The following KASH5 variants were observed in gnomAD, a reference collection of about 807,000 sequenced individuals.
KASH5 encodes protein KASH5.
KASH5 carries 72 observed loss-of-function variants against 84.2 expected under a neutral mutation model. The ratio of observed to expected loss-of-function variants is 0.85; its 90% CI spans 0.71 to 1.04. The LOEUF (loss-of-function observed/expected upper bound fraction) is 1.04. KASH5 is among the 50% of genes least tolerant of loss of function. The probability of loss-of-function intolerance (pLI) is 0.00; values close to 1 mark genes in which losing one functional copy is unlikely to be tolerated. For missense variants in KASH5, 650 were observed against 701.0 expected, an observed-to-expected ratio of 0.93 and a Z score of 0.82; for synonymous variants, 260 against 279.1, an observed-to-expected ratio of 0.93 and a Z score of 0.68.
intron 9 of KASH5, among the ~76,000 whole-genome samples, chr19:49,400,225 C>CA (rs34052696): frequency 0.56 from 45,669 of 81,030 alleles, 11,588 homozygotes; most frequent in South Asian, 0.68. Context: ...GAGAGCCTCT[C>CA]AAAAAAAAAA....
Position 49,417,152 on chromosome 19 carries a change from C to T in KASH5, c.1440-7C>T. 6.2e-7 allele frequency: 1 copy of T among 1,613,254 alleles called. No homozygotes were observed. The highest frequency in any genetic ancestry group is 2.2e-5 in the East Asian group (1 of 44,866). On this transcript the variant is annotated splice_region_variant and splice_polypyrimidine_tract_variant and intron_variant, in intron 18 of 19. Coordinates refer to ENST00000447857, the MANE Select transcript of KASH5 (RefSeq NM_144688.5). This position sits in a 1 kb window ranked among gnomAD's most constrained non-coding sequence, Gnocchi z 5.2. ...CCCAGTGGTGATTCCCTCCTTCACC[C>T]CAGCAGACCTGCGCGGCGGGAACTC...
chr19:49,389,133 C>T (rs569954557), intron 1 of KASH5, among the ~76,000 whole-genome samples: 2 of 119,160 alleles, frequency 1.7e-5, no homozygotes, highest in Non-Finnish European at 3.3e-5. Flanking sequence ...CAGAGACCCC[C>T]GCATAAATCA....
At position 49,412,790 on chromosome 19, in the gene KASH5, G is replaced by A. The variant is rs1417424973; in HGVS notation, c.1270-178G>A. On this transcript the variant is annotated intron_variant, in intron 15 of 19. Coordinates refer to ENST00000447857, the MANE Select transcript of KASH5 (RefSeq NM_144688.5). This position sits in a 1 kb window ranked among gnomAD's most constrained non-coding sequence, Gnocchi z 4.6. ...AGGGGGCTAATAGGGCCATCCTCATGTAGGGCAGCACGAGAGGAGGGCAGG... is the reference window on the plus strand; with the variant it reads ...AGGGGGCTAATAGGGCCATCCTCATATAGGGCAGCACGAGAGGAGGGCAGG... Among the ~76,000 whole-genome samples, 1 of 152,208 alleles carries A rather than the reference G, an allele frequency of 6.6e-6. No homozygotes were observed. Among genetic ancestry groups the A allele is most frequent in the African/African-American group, 2.4e-5 (1 of 41,456 alleles).
At chr19:49,413,221 G>A (rs1301078722) in intron 16 of KASH5, among the ~76,000 whole-genome samples, 195 bp downstream of exon 16, 2 of 152,228 alleles carry the variant, frequency 1.3e-5, no homozygotes, top group East Asian at 3.9e-4. Flanking sequence ...GAGGAGATCT[G>A]GTTCCTGACC....
At chr19:49,406,672 G>A (rs1038563460) in intron 9 of KASH5, among the ~76,000 whole-genome samples, 6 of 152,336 alleles carry the variant, frequency 3.9e-5, no homozygotes, top group African/African-American at 1.4e-4. Flanking sequence ...ACTGCGCGTG[G>A]CCTAGCTCCA....
In KASH5 at chr19:49,417,920, A is replaced by G. The variant is rs569483890; in HGVS notation, c.*410A>G. On this transcript the variant is annotated 3_prime_UTR_variant, in exon 20 of 20. Coordinates refer to ENST00000447857, the MANE Select transcript of KASH5 (RefSeq NM_144688.5). This position sits in a 1 kb window ranked among gnomAD's most constrained non-coding sequence, Gnocchi z 5.2. ...TTCCTTCCTTTTTATAAAGAGAGGC[A>G]GTAGCCTCAGTGTGCAGTGGGTAGA... 1.6e-3 allele frequency: 275 copies of G among 172,350 alleles called. No individual in the cohort carries two copies. Among genetic ancestry groups the G allele is most frequent in the Non-Finnish European group, 2.3e-3 (192 of 82,038 alleles). 10.7% of individuals were successfully genotyped at this position (172,350 alleles called of 1,614,324 possible).
chr19:49,395,250 T>C lies in KASH5; in HGVS notation c.293T>C (p.Leu98Pro). 1 of 1,613,336 alleles carries C rather than the reference T, an allele frequency of 6.2e-7. No individual in the cohort carries two copies. Among genetic ancestry groups the C allele is most frequent in the Non-Finnish European group, 8.5e-7 (1 of 1,179,620 alleles). ...GCCACTGTGGACTTGGACACTTTCCTGGTTGTCATGCGTGACTGGATTGCT... is the reference window on the plus strand; with the variant it reads ...GCCACTGTGGACTTGGACACTTTCCCGGTTGTCATGCGTGACTGGATTGCT... ...PKATVDLDTF[L>P]VVMRDWIAAC... The change falls in exon 4 of 20, where the codon CTG (leucine) becomes CCG (proline). Residue 98 changes from leucine (L) to proline (P), a missense_variant. By Grantham distance (98) the Leu-to-Pro change is moderately conservative. Transcript: ENST00000447857. This position sits in a 1 kb window ranked among gnomAD's most constrained non-coding sequence, Gnocchi z 4.4.
Position 49,394,581 on chromosome 19 carries a change from G to A in KASH5, c.148+1G>A. 1.9e-6 allele frequency: 3 copies of A among 1,611,834 alleles called. No homozygotes were observed. The highest frequency in any genetic ancestry group is 2.5e-6 in the Non-Finnish European group (3 of 1,178,300). ...GAAGCTTGTGACCCTCAGAGGACAG[G>A]TGGTGGGGGCATGAGGGGTGCTGGG... On this transcript the variant is annotated splice_donor_variant, in intron 3 of 19. Transcript: ENST00000447857. LOFTEE classifies it high-confidence loss of function.
chr19:49,392,328 G>A (rs1974029378), intron 2 of KASH5, among the ~76,000 whole-genome samples: 1 of 127,484 alleles, frequency 7.8e-6, no homozygotes, highest in African/African-American at 2.9e-5. Flanking sequence ...GTGGGGAAGA[G>A]AGACTGGGAG....
At chr19:49,398,233 C>A in intron 7 of KASH5, 90 bp downstream of exon 7, 1 of 1,133,818 alleles carries the variant, frequency 8.8e-7, no homozygotes, top group Non-Finnish European at 1.2e-6. Context: ...CTCGTGTCTG[C>A]ATCCTGCTCT....
chr19:49,417,517 CT>C lies in KASH5; in HGVS notation c.*8del, dbSNP rs1400788964. The C allele has an allele frequency of 3.3e-6, 5 of 1,526,470 alleles. No individual in the cohort carries two copies. In the Admixed American group the frequency reaches 6.1e-5, roughly 18 times the overall value. 94.6% of individuals were successfully genotyped at this position (1,526,470 alleles called of 1,614,324 possible). A position where few individuals can be genotyped will look rare whatever the true frequency, so the allele number is the denominator to read the frequency against. ...CCAGCCCCCTCCAGTGTGAGAGGCTCTACTTGCCCCTCAGAGCAGTGTCTAG... is the reference window on the plus strand; with the variant it reads ...CCAGCCCCCTCCAGTGTGAGAGGCTCACTTGCCCCTCAGAGCAGTGTCTAG... On this transcript the variant is annotated 3_prime_UTR_variant, in exon 20 of 20. Transcript: ENST00000447857. This position sits in a 1 kb window ranked among gnomAD's most constrained non-coding sequence, Gnocchi z 5.2.
In KASH5 at chr19:49,397,732, A is replaced by G. The variant is rs530760207; in HGVS notation, c.467+15A>G. The G allele has an allele frequency of 6.2e-7, 1 of 1,611,472 alleles. No homozygotes were observed. The highest frequency in any genetic ancestry group is 1.3e-5 in the African/African-American group (1 of 74,498). ...AGACCCGAGCTGTACCTATCCTCAC[A>G]CCCCTCCCTGACCCTCCTGCCCACA... On this transcript the variant is annotated intron_variant, in intron 6 of 19. Transcript: ENST00000447857.
Position 49,414,943 on chromosome 19 carries a change from G to A in KASH5, c.1329-8G>A, listed in dbSNP as rs770884758. 1 of 1,612,106 alleles carries A rather than the reference G, an allele frequency of 6.2e-7. No homozygotes were observed. The highest frequency in any genetic ancestry group is 8.5e-7 in the Non-Finnish European group (1 of 1,179,228). On this transcript the variant is annotated splice_polypyrimidine_tract_variant and splice_region_variant and intron_variant, in intron 16 of 19. Coordinates refer to ENST00000447857, the MANE Select transcript of KASH5 (RefSeq NM_144688.5). The surrounding 1 kb of genome is among the most constrained non-coding windows in gnomAD (Gnocchi z 4.5). ...GACGAAGCCAGCAGTGACTTTGTTGGCCCTCAGGTTGACCAGAAGAGAGGA... is the reference window on the plus strand; with the variant it reads ...GACGAAGCCAGCAGTGACTTTGTTGACCCTCAGGTTGACCAGAAGAGAGGA...
At position 49,416,969 on chromosome 19, in the gene KASH5, C is replaced by G. The variant is rs964072667; in HGVS notation, c.1375-46C>G. On this transcript the variant is annotated intron_variant, in intron 17 of 19. Coordinates refer to ENST00000447857, the MANE Select transcript of KASH5 (RefSeq NM_144688.5). This position sits in a 1 kb window ranked among gnomAD's most constrained non-coding sequence, Gnocchi z 5.4. The stretch of plus-strand genomic sequence containing the variant: ...CCAGTGGGCTGACCTGAGCACCTCT[C>G]AGTCCAGAACCCGGTGCCTCCAACG... 3.2e-6 allele frequency: 5 copies of G among 1,544,992 alleles called. No homozygotes were observed. The highest frequency in any genetic ancestry group is 4.4e-6 in the Non-Finnish European group (5 of 1,141,006).
rs61669480 is a variant in KASH5, at chr19:49,397,056, T to A, written c.401-595T>A. ...GGCAATAGAGCAGGATCCTGTCTTTTAAAAAAAAAAAAAAAAAATGGTGGT... is the reference window on the plus strand; with the variant it reads ...GGCAATAGAGCAGGATCCTGTCTTTAAAAAAAAAAAAAAAAAAATGGTGGT... On this transcript the variant is annotated intron_variant, in intron 5 of 19. Transcript: ENST00000447857. 5.6e-3 allele frequency among the ~76,000 whole-genome samples: 762 copies of A among 135,952 alleles called. 6 individuals are homozygous for A. The highest frequency in any genetic ancestry group is 0.019 in the African/African-American group (685 of 36,882). The allele number at this position is 135,952 out of a possible 152,430, so 89.2% of individuals were successfully genotyped here.
At chr19:49,407,329 T>C in intron 11 of KASH5, 33 bp downstream of exon 11, 2 of 1,608,176 alleles carry the variant, frequency 1.2e-6, no homozygotes, top group Non-Finnish European at 1.7e-6. Context: ...GAGATTCGCT[T>C]TCCATGTGCA....
chr19:49,393,682 CGTGTGTGT>C (rs34539350), intron 2 of KASH5: 99 of 142,536 alleles, frequency 6.9e-4, no homozygotes, highest in African/African-American at 1.8e-3. Flanking sequence ...GACCCCAGGA[CGTGTGTGT>C]GTGTGTGTGT....
intron 5 of KASH5, among the ~76,000 whole-genome samples, chr19:49,396,242 A>ATTTTTTTTTT (rs1568611428): frequency 2.4e-5 from 3 of 122,904 alleles, no homozygotes; most frequent in African/African-American, 3.2e-5. Context: ...ACCCTGCTGG[A>ATTTTTTTTTT]CTTTTTTTTT....
In KASH5 at chr19:49,407,904, A is replaced by T. The variant is rs1192403970; in HGVS notation, c.993+233A>T. 2.7e-5 allele frequency among the ~76,000 whole-genome samples: 4 copies of T among 149,338 alleles called. No individual in the cohort carries two copies. In the East Asian group the frequency reaches 5.8e-4, roughly 22 times the overall value. On this transcript the variant is annotated intron_variant, in intron 12 of 19. Transcript: ENST00000447857. Reference sequence around the variant, plus strand: ...TCATTCTCTGTGGGTGTCTTCTCACACACCTCCTCTCCTTATCTTATTTTT... The same window carrying T: ...TCATTCTCTGTGGGTGTCTTCTCACTCACCTCCTCTCCTTATCTTATTTTT...
Sources: allele counts gnomAD v4.1 joint callset (sites outside exome capture counted in the v4.1 genomes callset), GRCh38; gene constraint gnomAD v4.1.1; non-coding constraint Gnocchi (gnomAD v3.1); transcripts MANE v1.5; gene names NCBI Gene and HGNC (gene_info 2026-07-23, HGNC 2026-07-21).